RIMS1: variants seen among roughly 807,000 people sequenced by gnomAD.
RIMS1 encodes the protein regulating synaptic membrane exocytosis 1.
A neutral mutation model predicts 214.1 loss-of-function variants in RIMS1; 83 were observed. That is an observed-to-expected ratio of 0.39 (90% CI 0.32 to 0.47). The LOEUF is 0.47. RIMS1 is among the 20% of genes least tolerant of loss of function. The pLI is 0.99. For missense variants in RIMS1, 2,050 were observed against 2,161.8 expected, an observed-to-expected ratio of 0.95 and a Z score of 1.03; for synonymous variants, 793 against 786.8, an observed-to-expected ratio of 1.01 and a Z score of -0.13.
At chr6:72,202,965 T>C (rs1324166800) in intron 6 of RIMS1, among the ~76,000 whole-genome samples, 4 of 152,188 alleles carry the variant, frequency 2.6e-5, no homozygotes, top group African/African-American at 9.6e-5. Context: ...TAGCAAGTAC[T>C]CCATAAATAT....
chr6:71,938,139 G>A (rs914535150), intron 1 of RIMS1, among the ~76,000 whole-genome samples: 1 of 152,220 alleles, frequency 6.6e-6, no homozygotes, highest in Admixed American at 6.5e-5. Flanking sequence ...AAACCCAAGA[G>A]TGTAAACAAA....
intron 2 of RIMS1, among the ~76,000 whole-genome samples, chr6:72,083,697 GC>G (rs1466791243): frequency 6.6e-6 from 1 of 152,116 alleles, no homozygotes; most frequent in East Asian, 1.9e-4. Flanking sequence ...TATTTATTGA[GC>G]TTTTACCATA....
At chr6:72,263,480 G>A (rs867635544) in intron 19 of RIMS1, 15 of 981,988 alleles carry the variant, frequency 1.5e-5, no homozygotes, top group East Asian at 1.1e-4. Flanking sequence ...CAAAGCCAAG[G>A]CAGGAACTTG....
chr6:72,199,097 A>G (rs963420994), intron 6 of RIMS1, among the ~76,000 whole-genome samples: 1 of 152,088 alleles, frequency 6.6e-6, no homozygotes, highest in Non-Finnish European at 1.5e-5. Context: ...GGCTCCAATA[A>G]GAAAGTCTGT....
Position 72,333,721 on chromosome 6 carries a change from A to G in RIMS1, c.4252A>G (p.Thr1418Ala). ...LEHNDGSQSD[T>A]AVGTVGAGGK... is the part of the protein sequence containing the mutation. ...GCATAATGACGGCAGCCAGTCAGACACAGCTGTGGGTACAGTTGGAGCAGG... is the reference window on the plus strand; with the variant it reads ...GCATAATGACGGCAGCCAGTCAGACGCAGCTGTGGGTACAGTTGGAGCAGG... The change falls in exon 29 of 34, where the codon ACA becomes GCA. Residue 1418 changes from threonine (T) to alanine (A), a missense_variant. Around this residue, in one of 6 missense-constraint regions of RIMS1, gnomAD observed 889 missense variants for 885.5 expected, o/e 1.00. Coordinates refer to ENST00000521978, the MANE Select transcript of RIMS1 (RefSeq NM_014989.7). The G allele has an allele frequency of 1.3e-6, 2 of 1,598,400 alleles. No individual in the cohort carries two copies. Among genetic ancestry groups the G allele is most frequent in the Non-Finnish European group, 1.7e-6 (2 of 1,172,406 alleles).
chr6:72,105,005 A>G (rs1472208168), intron 4 of RIMS1, among the ~76,000 whole-genome samples: 3 of 152,168 alleles, frequency 2.0e-5, no homozygotes, highest in Admixed American at 6.6e-5. Context: ...ATCACAGCTC[A>G]TGGCAACCTA....
chr6:72,046,353 A>G (rs1173980783), intron 2 of RIMS1, among the ~76,000 whole-genome samples: 17 of 152,088 alleles, frequency 1.1e-4, no homozygotes, highest in Admixed American at 1.1e-3. Context: ...AGGTGTTGAC[A>G]TGGAAGAACT....
chr6:72,318,629 C>T (rs952411874), intron 28 of RIMS1, among the ~76,000 whole-genome samples: 2 of 152,068 alleles, frequency 1.3e-5, no homozygotes, highest in African/African-American at 4.8e-5. Context: ...GCATCTTAGA[C>T]CTTCATTCTG....
chr6:72,262,814 C>T (rs1303685710), intron 19 of RIMS1: 4 of 729,724 alleles, frequency 5.5e-6, no homozygotes, highest in Non-Finnish European at 6.7e-6. Flanking sequence ...ATACATCATA[C>T]CATGTTCACT....
intron 2 of RIMS1, among the ~76,000 whole-genome samples, chr6:71,996,369 C>T (rs1803432803): frequency 6.6e-6 from 1 of 152,144 alleles, no homozygotes; most frequent in African/African-American, 2.4e-5. Flanking sequence ...CCTTGCCTGC[C>T]TACTAATGCT....
chr6:72,148,756 T>G, intron 4 of RIMS1: 4 of 420,564 alleles, frequency 9.5e-6, no homozygotes, highest in South Asian at 7.0e-5. Context: ...AGCTCAGGAT[T>G]GAGTTTGGGA....
chr6:72,060,684 G>T (rs1308124874), intron 2 of RIMS1, among the ~76,000 whole-genome samples: 2 of 152,118 alleles, frequency 1.3e-5, no homozygotes, highest in African/African-American at 2.4e-5. Context: ...TCTAAGCCTG[G>T]TTCAGCATCT....
chr6:72,099,324 A>T (rs1356150024), intron 3 of RIMS1, among the ~76,000 whole-genome samples: 1 of 152,226 alleles, frequency 6.6e-6, no homozygotes, highest in Non-Finnish European at 1.5e-5. Flanking sequence ...CCAATCTTGG[A>T]AAAAATATTT....
chr6:72,049,947 T>C (rs1270383915), intron 2 of RIMS1, among the ~76,000 whole-genome samples: 1 of 152,202 alleles, frequency 6.6e-6, no homozygotes, highest in Non-Finnish European at 1.5e-5. Flanking sequence ...GAAGCCATGA[T>C]GAAGGCATGG....
intron 4 of RIMS1, among the ~76,000 whole-genome samples, chr6:72,141,769 T>C (rs192204239): frequency 5.9e-5 from 9 of 152,122 alleles, no homozygotes; most frequent in Admixed American, 3.9e-4. Context: ...AAATGTGTTT[T>C]TCAGAATTTC....
intron 33 of RIMS1, among the ~76,000 whole-genome samples, chr6:72,399,649 A>G (rs2098818672): frequency 7.1e-6 from 1 of 140,376 alleles, no homozygotes; most frequent in Admixed American, 6.9e-5. Context: ...AACATGTGCA[A>G]TAAGTATCAT....
chr6:72,303,802 A>T (rs1034803247), intron 26 of RIMS1, among the ~76,000 whole-genome samples: 4 of 151,556 alleles, frequency 2.6e-5, no homozygotes, highest in African/African-American at 7.2e-5. Context: ...CCATTTTTTT[A>T]AAACATAAGG....
At chr6:71,966,984 G>A (rs1428129690) in intron 1 of RIMS1, among the ~76,000 whole-genome samples, 1 of 152,146 alleles carries the variant, frequency 6.6e-6, no homozygotes, top group Non-Finnish European at 1.5e-5. Flanking sequence ...GAATACCTAA[G>A]ACTTGAGGGG....
intron 2 of RIMS1, among the ~76,000 whole-genome samples, chr6:72,076,908 C>T (rs947570387): frequency 5.3e-5 from 8 of 152,186 alleles, no homozygotes; most frequent in African/African-American, 1.9e-4. Context: ...TCTGTCCCAT[C>T]ACATAAATTT....
Sources: gnomAD v4.1 joint callset for allele counts (sites outside exome capture counted in the v4.1 genomes callset) on GRCh38, gnomAD v4.1.1 for gene constraint, gnomAD v4.1.1 regional missense constraint, MANE v1.5 for transcripts, NCBI Gene and HGNC (gene_info 2026-07-23, HGNC 2026-07-21) for gene names.